Variants in TIAM1 observed in about 807,000 individuals in gnomAD.
The protein encoded by TIAM1 is TIAM Rac1 associated GEF 1.
In TIAM1, 65 loss-of-function variants were observed where a neutral mutation model predicts 163.5. That is an observed-to-expected ratio of 0.40 (90% CI 0.33 to 0.49). The LOEUF (loss-of-function observed/expected upper bound fraction) is 0.49, where lower values mean the gene tolerates loss of function less well. Among genes scored for constraint, TIAM1 ranks in the 20% least tolerant of loss-of-function variants. TIAM1 has a pLI of 0.77. For synonymous variants in TIAM1, 833 were observed against 810.1 expected (o/e 1.03, Z -0.48); for missense variants, 1,789 against 2,044.7 (o/e 0.87, Z 2.41).
At chr21:31,213,283 T>A (rs996721944) in intron 10 of TIAM1, 115 bp downstream of exon 10, 8 of 866,232 alleles carry the variant, frequency 9.2e-6, no homozygotes, top group Non-Finnish European at 1.4e-5. Context: ...AAAAACTGAT[T>A]TCAGTTTTTA....
intron 15 of TIAM1, among the ~76,000 whole-genome samples, chr21:31,169,701 G>A (rs564651946): frequency 8.6e-5 from 13 of 151,804 alleles, no homozygotes; most frequent in South Asian, 2.1e-4. Flanking sequence ...ATAAACAGCT[G>A]ATACACACAC....
chr21:31,528,929 CTTTTT>C (rs1174827518), intron 1 of TIAM1, among the ~76,000 whole-genome samples: 75 of 136,666 alleles, frequency 5.5e-4, no homozygotes, highest in Non-Finnish European at 9.5e-4. Context: ...TCTTTTTATT[CTTTTT>C]TTTTTTTTTG....
intron 15 of TIAM1, among the ~76,000 whole-genome samples, chr21:31,171,606 T>G (rs2084517416): frequency 6.6e-6 from 1 of 152,182 alleles, no homozygotes; most frequent in Non-Finnish European, 1.5e-5. Flanking sequence ...ATCAATAAAA[T>G]GAATTAAAAT....
chr21:31,228,340 G>A (rs2088185136), intron 6 of TIAM1, among the ~76,000 whole-genome samples: 2 of 146,984 alleles, frequency 1.4e-5, no homozygotes, highest in African/African-American at 5.0e-5. Flanking sequence ...TGCACTGCTG[G>A]CCACTGGCTG....
intron 2 of TIAM1, among the ~76,000 whole-genome samples, chr21:31,300,925 G>A (rs533407703): frequency 2.0e-5 from 3 of 152,316 alleles, no homozygotes; most frequent in East Asian, 1.9e-4. Context: ...GCTATCTCAT[G>A]GTAGGAGGTG....
Position 31,124,648 on chromosome 21 carries a change from G to A in TIAM1, c.4180C>T (p.Leu1394=). ...KDFLKAVHSI[L]RDKHRRQLLK... is the part of the protein sequence containing the mutation. ...AGCTGTCTTCTGTGCTTATCACGCA[G>A]GATTGAATGCACAGCCTTTAGGAAA... The change falls in exon 27 of 28, where the codon CTG becomes TTG. Residue 1394 remains leucine (L), a synonymous_variant. Transcript: ENST00000541036. The A allele has an allele frequency of 6.2e-7, 1 of 1,611,954 alleles. No individual in the cohort carries two copies. The highest frequency in any genetic ancestry group is 8.5e-7 in the Non-Finnish European group (1 of 1,179,028).
intron 10 of TIAM1, among the ~76,000 whole-genome samples, chr21:31,211,287 T>C (rs1260214435): frequency 6.6e-6 from 1 of 152,106 alleles, no homozygotes; most frequent in Non-Finnish European, 1.5e-5. Context: ...TTCCTTAGCT[T>C]GATATAATGT....
chr21:31,259,861 T>C lies in TIAM1; in HGVS notation c.963+6149A>G, dbSNP rs1241293449. ...GTAGGTATGAGACGCTAGTGTCTTC[T>C]GTTAAGCTAGAAATCATAGAGATCT... is the stretch of plus-strand genomic sequence containing the variant. On this transcript the variant is annotated intron_variant, in intron 4 of 27. Coordinates refer to ENST00000541036, the MANE Select transcript of TIAM1 (RefSeq NM_001353694.2). Among the ~76,000 whole-genome samples the C allele has an allele frequency of 2.0e-5, 3 of 151,968 alleles. No individual in the cohort carries two copies. The South Asian group carries it at 6.2e-4, about 31-fold the overall frequency.
At position 31,275,192 on chromosome 21, in the gene TIAM1, G is replaced by A. The variant is rs573203326; in HGVS notation, c.-12+1540C>T. Among the ~76,000 whole-genome samples, 10 of 151,664 alleles carry A rather than the reference G, an allele frequency of 6.6e-5. No homozygotes were observed. The South Asian group carries it at 1.3e-3, about 19-fold the overall frequency. On this transcript the variant is annotated intron_variant, in intron 3 of 27. Coordinates refer to ENST00000541036, the MANE Select transcript of TIAM1 (RefSeq NM_001353694.2). ...ATGCATATACACATGATAAATCTGC[G>A]TAAGAATTTTAAAAAGCAATTATTC...
intron 2 of TIAM1, among the ~76,000 whole-genome samples, chr21:31,458,152 G>A (rs964216973): frequency 6.6e-6 from 1 of 152,174 alleles, no homozygotes; most frequent in Non-Finnish European, 1.5e-5. Context: ...GGGTGCGGGG[G>A]CTCACGCCTG....
At chr21:31,129,452 G>A (rs2082328222) in intron 25 of TIAM1, among the ~76,000 whole-genome samples, 1 of 152,224 alleles carries the variant, frequency 6.6e-6, no homozygotes. Context: ...GCCAAGGCGG[G>A]AGGCTTGCTT....
At chr21:31,153,254 C>T (rs1364223982) in intron 17 of TIAM1, 120 bp from the exon 18 acceptor site, 5 of 799,398 alleles carry the variant, frequency 6.3e-6, no homozygotes, top group Non-Finnish European at 9.1e-6. Flanking sequence ...CAAACAGATC[C>T]TGTCCCGAAG....
At chr21:31,420,329 C>T (rs745992812) in intron 2 of TIAM1, among the ~76,000 whole-genome samples, 10 of 152,190 alleles carry the variant, frequency 6.6e-5, no homozygotes, top group Non-Finnish European at 1.5e-4. Flanking sequence ...AATACCCATG[C>T]ACCAGAGCCT....
chr21:31,472,906 C>T (rs760970016), intron 1 of TIAM1, among the ~76,000 whole-genome samples: 10 of 152,150 alleles, frequency 6.6e-5, no homozygotes, highest in Non-Finnish European at 1.3e-4. Context: ...GTATTTTCAC[C>T]GTCATTACAG....
chr21:31,252,154 G>A lies in TIAM1; in HGVS notation c.999C>T (p.Asp333=). ...CGGTAGTGGCCCCTTCAATCCCACTGTCTGCAAACTCACTGCCCTCGCCTG... is the reference window on the plus strand; with the variant it reads ...CGGTAGTGGCCCCTTCAATCCCACTATCTGCAAACTCACTGCCCTCGCCTG... The part of the protein sequence containing the change: ...VNAGEGSEFA[D]SGIEGATTDT... Residue 333 remains aspartate (D), a synonymous_variant, in exon 5 of 28, where the codon GAC becomes GAT. Transcript: ENST00000541036. 1 of 1,609,950 alleles carries A rather than the reference G, an allele frequency of 6.2e-7. No homozygotes were observed. Among genetic ancestry groups the A allele is most frequent in the Non-Finnish European group, 8.5e-7 (1 of 1,179,988 alleles).
intron 2 of TIAM1, among the ~76,000 whole-genome samples, chr21:31,388,133 A>G (rs2076907670): frequency 6.6e-6 from 1 of 151,852 alleles, no homozygotes; most frequent in Non-Finnish European, 1.5e-5. Flanking sequence ...CTGTCTGCAA[A>G]ACAACGAGCC....
chr21:31,384,840 C>G (rs1469404052), intron 2 of TIAM1, among the ~76,000 whole-genome samples: 1 of 152,144 alleles, frequency 6.6e-6, no homozygotes, highest in African/African-American at 2.4e-5. Context: ...ACAGTTATAA[C>G]TATTTTTCAA....
intron 1 of TIAM1, among the ~76,000 whole-genome samples, chr21:31,507,642 A>G (rs2047077603): frequency 1.3e-5 from 2 of 152,196 alleles, no homozygotes; most frequent in Admixed American, 1.3e-4. Context: ...TACCTGGGAT[A>G]CGATCAATCA....
chr21:31,197,612 G>A (rs1015074219), intron 12 of TIAM1, among the ~76,000 whole-genome samples: 1 of 144,814 alleles, frequency 6.9e-6, no homozygotes, highest in African/African-American at 2.6e-5. Flanking sequence ...CTCGTGATCC[G>A]CCCGCCTCAG....
Sources: gnomAD v4.1 joint callset for allele counts (sites outside exome capture counted in the v4.1 genomes callset) on GRCh38, gnomAD v4.1.1 for gene constraint, MANE v1.5 for transcripts, NCBI Gene and HGNC (gene_info 2026-07-23, HGNC 2026-07-21) for gene names.